Variants in SMIM7 observed in about 807,000 individuals in gnomAD.
SMIM7 encodes UPF0608 protein C19orf42.
In SMIM7, 12 loss-of-function variants were observed where a neutral mutation model predicts 13.3. That is an observed-to-expected ratio of 0.90 (90% CI 0.58 to 1.46). The LOEUF (loss-of-function observed/expected upper bound fraction) is 1.46. SMIM7 is among the 40% of genes most tolerant of loss of function. The pLI, the probability that SMIM7 is intolerant of heterozygous loss-of-function variation, is 0.00. For synonymous variants in SMIM7, 36 were observed against 35.8 expected, an observed-to-expected ratio of 1.01 and a Z score of -0.02; for missense variants, 114 against 94.8, an observed-to-expected ratio of 1.20 and a Z score of -0.84.
In SMIM7 at chr19:16,654,127, T is replaced by G; in HGVS notation, c.122-2A>C. ...GCAAGAATTCCCGGATGTTGTCACC[T>G]GGAAGAATCAGAAAGCACTTTTATG... On this transcript the variant is annotated splice_acceptor_variant, in intron 3 of 4. Transcript: ENST00000487416. LOFTEE classifies it high-confidence loss of function. 1 of 1,613,310 alleles carries G rather than the reference T, an allele frequency of 6.2e-7. No homozygotes were observed. The highest frequency in any genetic ancestry group is 8.5e-7 in the Non-Finnish European group (1 of 1,179,332).
intron 4 of SMIM7, among the ~76,000 whole-genome samples, chr19:16,653,370 G>A (rs1464123998): frequency 3.3e-5 from 5 of 151,930 alleles, no homozygotes; most frequent in African/African-American, 1.2e-4. Flanking sequence ...ATCACATGAG[G>A]TCAGGAGTTC....
At chr19:16,633,003 G>GT (rs1377437109) in intron 4 of SMIM7, among the ~76,000 whole-genome samples, 2 of 152,218 alleles carry the variant, frequency 1.3e-5, no homozygotes, top group African/African-American at 4.8e-5. Context: ...TGGAAGCAAT[G>GT]TAAGTGCCTA....
At chr19:16,651,572 G>C (rs188881588) in intron 4 of SMIM7, among the ~76,000 whole-genome samples, 213 of 152,328 alleles carry the variant, frequency 1.4e-3, no homozygotes, top group African/African-American at 4.9e-3. Flanking sequence ...TCTGGTCACA[G>C]ACTAGCAGAT....
At chr19:16,644,602 C>A (rs1399240228), downstream of SMIM7, 1 of 151,700 alleles carries the variant, frequency 6.6e-6, no homozygotes, top group Non-Finnish European at 1.5e-5. Flanking sequence ...CCACACCCAG[C>A]TAATTTTTGC....
At chr19:16,635,775 T>C (rs573211690) in intron 4 of SMIM7, among the ~76,000 whole-genome samples, 4 of 151,290 alleles carry the variant, frequency 2.6e-5, no homozygotes, top group African/African-American at 9.7e-5. Context: ...TCCCAGCTAC[T>C]TGGGAAGCTG....
In SMIM7 at chr19:16,654,137, A is replaced by T; in HGVS notation, c.122-12T>A. On this transcript the variant is annotated splice_polypyrimidine_tract_variant and intron_variant, in intron 3 of 4. Transcript: ENST00000487416. The stretch of plus-strand genomic sequence containing the variant: ...CCGGATGTTGTCACCTGGAAGAATC[A>T]GAAAGCACTTTTATGGCACAGCTAA... The T allele has an allele frequency of 6.2e-7, 1 of 1,612,266 alleles. No homozygotes were observed. The highest frequency in any genetic ancestry group is 8.5e-7 in the Non-Finnish European group (1 of 1,178,458).
chr19:16,638,355 G>C (rs538268958), intron 4 of SMIM7, among the ~76,000 whole-genome samples: 3 of 147,162 alleles, frequency 2.0e-5, no homozygotes, highest in Non-Finnish European at 3.0e-5. Context: ...ACAGGCTGGA[G>C]TGCAATGGCA....
chr19:16,638,483 T>G (rs148760362), intron 4 of SMIM7, among the ~76,000 whole-genome samples: 36 of 151,764 alleles, frequency 2.4e-4, no homozygotes, highest in African/African-American at 8.4e-4. Context: ...TTTGTAATTT[T>G]TTTTAGTAGA....
chr19:16,653,725 C>G (rs989965736), intron 4 of SMIM7: 21 of 348,860 alleles, frequency 6.0e-5, no homozygotes, highest in Non-Finnish European at 1.1e-4. Context: ...GGAACCCCGT[C>G]TCTACTAAAA....
chr19:16,656,048 C>T (rs2086593591), intron 3 of SMIM7, among the ~76,000 whole-genome samples: 1 of 152,150 alleles, frequency 6.6e-6, no homozygotes, highest in Admixed American at 6.5e-5. Context: ...AGCGAAGGAT[C>T]GTGAAAACAG....
At position 16,647,255 on chromosome 19, in the gene SMIM7, G is replaced by A. The variant is rs200437290; in HGVS notation, c.219C>T (p.Phe73=). The A allele has an allele frequency of 4.3e-6, 7 of 1,613,872 alleles. No individual in the cohort carries two copies. The highest frequency in any genetic ancestry group is 5.1e-6 in the Non-Finnish European group (6 of 1,180,020). Residue 73 remains phenylalanine (F), a synonymous_variant, in exon 5 of 5, where the codon TTC becomes TTT. Transcript: ENST00000487416. The part of the protein sequence containing the change: ...IFMMFCMIVL[F]GS The stretch of plus-strand genomic sequence containing the variant: ...GTTTCATCGCTGGGATTCAAGAGCC[G>A]AACAGCCTGGAGAAGTCAGAGGGCA...
At chr19:16,641,093 A>T (rs912362119), downstream of SMIM7, 2 of 152,128 alleles carry the variant, frequency 1.3e-5, no homozygotes, top group African/African-American at 4.8e-5. Context: ...TTGGGAGGGA[A>T]GGGACACCTT....
At chr19:16,641,651 T>G (rs1228278983), downstream of SMIM7, among the ~76,000 whole-genome samples, 1 of 152,048 alleles carries the variant, frequency 6.6e-6, no homozygotes, top group Middle Eastern at 3.2e-3. Context: ...CAGGCTGGAG[T>G]GCAGTGGAAA....
chr19:16,645,846 G>C (rs1427148242), downstream of SMIM7: 1 of 151,838 alleles, frequency 6.6e-6, no homozygotes, highest in Non-Finnish European at 1.5e-5. Flanking sequence ...ATTTTTAGTA[G>C]AGATGCGATT....
intron 4 of SMIM7, among the ~76,000 whole-genome samples, chr19:16,647,770 A>G (rs977190833): frequency 1.3e-5 from 2 of 152,112 alleles, no homozygotes; most frequent in African/African-American, 2.4e-5. Flanking sequence ...CCACCACCCT[A>G]TAAGGGAAAG....
intron 2 of SMIM7, 100 bp from the exon 3 acceptor site, chr19:16,659,547 T>C: frequency 8.0e-7 from 1 of 1,254,118 alleles, no homozygotes; most frequent in Non-Finnish European, 1.1e-6. Flanking sequence ...GTTTCAGCCC[T>C]GGCCCTGCCG....
At chr19:16,631,895 G>C (rs1343468113) in intron 4 of SMIM7, among the ~76,000 whole-genome samples, 3 of 146,026 alleles carry the variant, frequency 2.1e-5, no homozygotes, top group African/African-American at 7.7e-5. Flanking sequence ...TTTTTCGAGA[G>C]AGTCTCACTC....
exon 5 of SMIM7, chr19:16,630,988 A>G (rs2086317885): frequency 1.3e-5 from 2 of 152,034 alleles, no homozygotes; most frequent in African/African-American, 2.4e-5. Flanking sequence ...TTCGTCCTCA[A>G]TGACAGGTCC....
chr19:16,635,899 A>AAAAAAAAAT (rs1200181092), intron 4 of SMIM7, among the ~76,000 whole-genome samples: 3 of 109,576 alleles, frequency 2.7e-5, no homozygotes, highest in African/African-American at 1.3e-4. Context: ...AAAAAAAAAA[A>AAAAAAAAAT]ATATATATAT....
Sources: allele counts gnomAD v4.1 joint callset (sites outside exome capture counted in the v4.1 genomes callset), GRCh38; gene constraint gnomAD v4.1.1; transcripts MANE v1.5; gene names NCBI Gene and HGNC (gene_info 2026-07-23, HGNC 2026-07-21).